LUC7L2: variants seen among roughly 807,000 people sequenced by gnomAD.
The protein encoded by LUC7L2 is putative RNA-binding protein Luc7-like 2.
In LUC7L2, 25 loss-of-function variants were observed where a neutral mutation model predicts 52.8. The observed-to-expected ratio is 0.47, with a 90% CI of 0.34 to 0.66. The LOEUF is 0.66. LUC7L2 is among the 30% of genes least tolerant of loss of function. LUC7L2 has a pLI of 0.01. For synonymous variants in LUC7L2, 144 were observed against 160.9 expected (o/e 0.89, Z 0.80); for missense variants, 328 against 497.8 (o/e 0.66, Z 3.25).
intron 5 of LUC7L2, among the ~76,000 whole-genome samples, chr7:139,406,155 G>A (rs751167139): frequency 6.6e-6 from 1 of 152,032 alleles, no homozygotes; most frequent in Non-Finnish European, 1.5e-5. Flanking sequence ...GGGTTCAAGC[G>A]ATTCTCCTGC....
intron 1 of LUC7L2, chr7:139,345,635 G>A (rs1563248621): frequency 6.2e-7 from 1 of 1,614,174 alleles, no homozygotes; most frequent in Non-Finnish European, 8.5e-7. Flanking sequence ...AGCGCTCGGT[G>A]GAGGAGTCTG....
chr7:139,414,484 T>C (rs1427700009), intron 8 of LUC7L2, among the ~76,000 whole-genome samples: 1 of 152,276 alleles, frequency 6.6e-6, no homozygotes, highest in Non-Finnish European at 1.5e-5. Context: ...TTGGACAAGC[T>C]TGGCATAGCC....
chr7:139,388,439 T>C (rs1794299805), intron 2 of LUC7L2, among the ~76,000 whole-genome samples: 1 of 152,046 alleles, frequency 6.6e-6, no homozygotes, highest in South Asian at 2.1e-4. Flanking sequence ...CAGCGTTATG[T>C]ATGCACAATG....
intron 8 of LUC7L2, among the ~76,000 whole-genome samples, chr7:139,414,403 G>T (rs1795498084): frequency 6.6e-6 from 1 of 152,206 alleles, no homozygotes; most frequent in African/African-American, 2.4e-5. Flanking sequence ...AATATTTTAA[G>T]AAAGTTTACA....
At chr7:139,369,094 TC>T (rs1233447753) in intron 1 of LUC7L2, among the ~76,000 whole-genome samples, 2 of 152,222 alleles carry the variant, frequency 1.3e-5, no homozygotes, top group African/African-American at 4.8e-5. Context: ...AATAGATAAA[TC>T]AGCCAGTTAC....
chr7:139,417,796 T>G, intron 9 of LUC7L2, 67 bp downstream of exon 9: 1 of 1,529,412 alleles, frequency 6.5e-7, no homozygotes, highest in Admixed American at 2.1e-5. Flanking sequence ...TGTTTACTTA[T>G]GTTACTTATG....
chr7:139,407,049 A>C (rs1585125111), intron 5 of LUC7L2, 125 bp from the exon 6 acceptor site: 4 of 631,040 alleles, frequency 6.3e-6, no homozygotes, highest in Non-Finnish European at 6.0e-6. Context: ...CCAGTGAGCC[A>C]CCGTGCCCAG....
At chr7:139,403,728 C>T (rs1335273669) in intron 4 of LUC7L2, among the ~76,000 whole-genome samples, 1 of 152,210 alleles carries the variant, frequency 6.6e-6, no homozygotes, top group Non-Finnish European at 1.5e-5. Context: ...CATGACTCTG[C>T]AGTCAGTGAT....
intron 2 of LUC7L2, among the ~76,000 whole-genome samples, chr7:139,380,875 C>T (rs535772101): frequency 9.9e-5 from 15 of 151,948 alleles, no homozygotes; most frequent in South Asian, 6.2e-4. Context: ...TCCTAGTGAT[C>T]GGGAAAAAAG....
intron 2 of LUC7L2, among the ~76,000 whole-genome samples, chr7:139,389,566 A>G (rs1301873910): frequency 6.6e-6 from 1 of 152,144 alleles, no homozygotes; most frequent in African/African-American, 2.4e-5. Flanking sequence ...CTCCTCATAC[A>G]CACTGATATT....
At chr7:139,341,336 C>A in intron 1 of LUC7L2, 1 of 1,573,622 alleles carries the variant, frequency 6.4e-7, no homozygotes. Flanking sequence ...GAGGGGTTTT[C>A]AGGGTCGTAG....
chr7:139,374,447 A>G, intron 1 of LUC7L2: 1 of 1,550,998 alleles, frequency 6.4e-7, no homozygotes, highest in Non-Finnish European at 8.7e-7. Flanking sequence ...AGGGAGTGTC[A>G]GAAAGGCCCC....
intron 2 of LUC7L2, among the ~76,000 whole-genome samples, chr7:139,386,423 G>A (rs868049219): frequency 2.5e-5 from 1 of 39,854 alleles, no homozygotes; most frequent in South Asian, 7.0e-4. Context: ...TTTTTTTTTT[G>A]AGATGGAGTC....
chr7:139,386,879 C>A (rs946155537), intron 2 of LUC7L2, among the ~76,000 whole-genome samples: 3 of 151,216 alleles, frequency 2.0e-5, no homozygotes, highest in Admixed American at 6.6e-5. Flanking sequence ...TGCTCTTGTT[C>A]CCCAGGCTGG....
chr7:139,390,187 G>A (rs934281964), intron 2 of LUC7L2, among the ~76,000 whole-genome samples: 6 of 151,992 alleles, frequency 3.9e-5, no homozygotes, highest in African/African-American at 1.2e-4. Context: ...GAGGTAAAGA[G>A]AGGTGTTTTG....
At chr7:139,409,775 C>T in intron 7 of LUC7L2, 121 bp downstream of exon 7, 1 of 1,346,612 alleles carries the variant, frequency 7.4e-7, no homozygotes, top group Non-Finnish European at 9.6e-7. Context: ...CTTCTGCTTA[C>T]TTTAAAAAAT....
At position 139,390,707 on chromosome 7, in the gene LUC7L2, C is replaced by G. The variant is rs182172406; in HGVS notation, c.157-7892C>G. Among the ~76,000 whole-genome samples the G allele has an allele frequency of 8.2e-3, 1,244 of 152,132 alleles. 25 individuals are homozygous for G. Among genetic ancestry groups the G allele is most frequent in the African/African-American group, 0.029 (1,193 of 41,478 alleles). On this transcript the variant is annotated intron_variant, in intron 2 of 9. Coordinates refer to ENST00000354926, the MANE Select transcript of LUC7L2 (RefSeq NM_016019.5). ...AGTAGCTGGGACTATAGGCGCCCAC[C>G]ACCATGCCCGGCTAATTTTTCTGTA... is the stretch of plus-strand genomic sequence containing the variant.
At chr7:139,378,342 C>G (rs1800824746) in intron 2 of LUC7L2, among the ~76,000 whole-genome samples, 2 of 151,720 alleles carry the variant, frequency 1.3e-5, no homozygotes, top group Non-Finnish European at 2.9e-5. Flanking sequence ...ACAACATTAA[C>G]AAAACCACTT....
At chr7:139,405,065 A>G (rs889311126) in intron 4 of LUC7L2, among the ~76,000 whole-genome samples, 1 of 152,250 alleles carries the variant, frequency 6.6e-6, no homozygotes, top group African/African-American at 2.4e-5. Context: ...GGAACTGTCA[A>G]AAAAGATACA....
Sources: gnomAD v4.1 joint callset for allele counts (sites outside exome capture counted in the v4.1 genomes callset) on GRCh38, gnomAD v4.1.1 for gene constraint, MANE v1.5 for transcripts, NCBI Gene and HGNC (gene_info 2026-07-23, HGNC 2026-07-21) for gene names.